Variants in PLD5 observed in about 807,000 individuals in gnomAD.
The protein encoded by PLD5 is inactive phospholipase D5.
Under a neutral mutation model 61.1 loss-of-function variants are expected in PLD5, and 36 were observed. That is an observed-to-expected ratio of 0.59 (90% CI 0.45 to 0.78). The LOEUF (loss-of-function observed/expected upper bound fraction) is 0.78. Among genes scored for constraint, PLD5 ranks in the 30% least tolerant of loss-of-function variants. PLD5 has a pLI of 0.00. For missense variants in PLD5, 515 were observed against 644.4 expected (o/e 0.80, Z 2.17); for synonymous variants, 243 against 242.8 (o/e 1.00, Z -0.01).
At chr1:242,248,477 A>G (rs1197459798) in intron 4 of PLD5, among the ~76,000 whole-genome samples, 4 of 18,236 alleles carry the variant, frequency 2.2e-4, no homozygotes, top group Admixed American at 1.2e-3. Context: ...TTAAAATACC[A>G]CACCAAAAAA....
intron 1 of PLD5, among the ~76,000 whole-genome samples, chr1:242,463,637 G>T (rs1667187103): frequency 6.6e-6 from 1 of 151,892 alleles, no homozygotes; most frequent in African/African-American, 2.4e-5. Flanking sequence ...TAAGTATCTA[G>T]GACCTGCCTT....
intron 1 of PLD5, among the ~76,000 whole-genome samples, chr1:242,451,556 G>A (rs916114556): frequency 1.3e-5 from 2 of 149,084 alleles, no homozygotes; most frequent in Non-Finnish European, 3.0e-5. Context: ...GCCACCCAGG[G>A]TCGAGTGATT....
intron 1 of PLD5, among the ~76,000 whole-genome samples, chr1:242,400,418 T>C (rs1663862435): frequency 6.6e-6 from 1 of 152,046 alleles, no homozygotes; most frequent in Non-Finnish European, 1.5e-5. Context: ...TCATGGTACC[T>C]CCTCTGATGA....
chr1:242,145,504 A>C (rs1482368417), intron 5 of PLD5, among the ~76,000 whole-genome samples: 1 of 152,192 alleles, frequency 6.6e-6, no homozygotes, highest in Non-Finnish European at 1.5e-5. Context: ...GGAAGAACTC[A>C]GTATTTAAGA....
intron 3 of PLD5, among the ~76,000 whole-genome samples, chr1:242,272,138 T>C (rs1311146065): frequency 2.0e-5 from 3 of 151,904 alleles, no homozygotes; most frequent in South Asian, 4.2e-4. Context: ...ATACGAAAAA[T>C]GGAGGTGAGC....
chr1:242,135,923 C>T (rs1004293616), intron 5 of PLD5, among the ~76,000 whole-genome samples: 9 of 152,126 alleles, frequency 5.9e-5, no homozygotes, highest in East Asian at 1.9e-4. Context: ...ACCTCCCTAG[C>T]GAGACGAAGG....
intron 4 of PLD5, among the ~76,000 whole-genome samples, chr1:242,241,145 C>A (rs574236214): frequency 6.6e-6 from 1 of 152,322 alleles, no homozygotes; most frequent in African/African-American, 2.4e-5. Flanking sequence ...AACCGTTCTA[C>A]AGAAAGGTAT....
chr1:242,362,054 A>T (rs1661099465), intron 1 of PLD5, among the ~76,000 whole-genome samples: 1 of 152,094 alleles, frequency 6.6e-6, no homozygotes, highest in Admixed American at 6.5e-5. Flanking sequence ...TAGAGGTAAA[A>T]AAGATAAATG....
At chr1:242,208,295 AC>A (rs1477684385) in intron 5 of PLD5, among the ~76,000 whole-genome samples, 3 of 151,820 alleles carry the variant, frequency 2.0e-5, no homozygotes, top group African/African-American at 7.3e-5. Flanking sequence ...TGTGACCCTC[AC>A]TTGTTGGTCT....
rs1258188420 is a variant in PLD5, at chr1:242,084,665, CACTAGGT to C, written c.*5182_*5188del. The C allele has an allele frequency of 6.7e-6, 1 of 149,758 alleles. No homozygotes were observed. The highest frequency in any genetic ancestry group is 1.5e-5 in the Non-Finnish European group (1 of 67,740). 9.3% of individuals were successfully genotyped at this position (149,758 alleles called of 1,614,324 possible). A position where few individuals can be genotyped will look rare whatever the true frequency, so the allele number is the denominator to read the frequency against. On this transcript the variant is annotated 3_prime_UTR_variant, in exon 10 of 10. Transcript: ENST00000536534. ...GCTCAATATGGGTTTGCTGAGCAGA[CACTAGGT>C]TCTCTAGTGGGGTCTCTATGATTGT...
intron 1 of PLD5, among the ~76,000 whole-genome samples, chr1:242,409,414 C>T (rs554184539): frequency 1.3e-5 from 2 of 152,152 alleles, no homozygotes; most frequent in African/African-American, 4.8e-5. Context: ...TCTCATTTAT[C>T]ACATAAGCGG....
rs1572087599 is a variant in PLD5, at chr1:242,407,859, G to A, written c.190-59617C>T. ...CCCAAAGTGCTGGGATTACAGGTGT[G>A]AGCCACTGAGCCCAGCCAAATATAC... On this transcript the variant is annotated intron_variant, in intron 1 of 9. Transcript: ENST00000536534. 2.6e-5 allele frequency among the ~76,000 whole-genome samples: 4 copies of A among 152,228 alleles called. 1 individual carries two copies. The highest frequency in any genetic ancestry group is 2.6e-4 in the Admixed American group (4 of 15,290).
At chr1:242,186,103 A>G (rs1013143194) in intron 5 of PLD5, among the ~76,000 whole-genome samples, 1 of 152,112 alleles carries the variant, frequency 6.6e-6, no homozygotes, top group Non-Finnish European at 1.5e-5. Flanking sequence ...CAATTTTAAT[A>G]TATTGGTTGC....
intron 1 of PLD5, among the ~76,000 whole-genome samples, chr1:242,504,124 A>C (rs1558153584): frequency 6.6e-6 from 1 of 152,210 alleles, no homozygotes; most frequent in Non-Finnish European, 1.5e-5. Flanking sequence ...TGTACCTACC[A>C]GAAATAATTT....
chr1:242,449,486 G>T, intron 1 of PLD5: 1 of 1,526,070 alleles, frequency 6.6e-7, no homozygotes, highest in East Asian at 2.5e-5. Flanking sequence ...TATCACCACC[G>T]ATTACATTTC....
chr1:242,419,035 C>A (rs935088716), intron 1 of PLD5, among the ~76,000 whole-genome samples: 15 of 152,122 alleles, frequency 9.9e-5, no homozygotes, highest in African/African-American at 3.4e-4. Flanking sequence ...GACATTGGGT[C>A]AAGTAGCATG....
chr1:242,471,157 G>GCCA (rs1667438607), intron 1 of PLD5, among the ~76,000 whole-genome samples: 1 of 152,182 alleles, frequency 6.6e-6, no homozygotes, highest in Non-Finnish European at 1.5e-5. Context: ...CAGAGCATCT[G>GCCA]CCACCTCCCT....
At chr1:242,207,896 T>TTATATATTTA (rs1317378904) in intron 5 of PLD5, among the ~76,000 whole-genome samples, 1 of 7,632 alleles carries the variant, frequency 1.3e-4, no homozygotes, top group African/African-American at 6.7e-4. Context: ...TTATATATAT[T>TTATATATTTA]TATATATTTA....
chr1:242,152,690 CT>C (rs1013734106), intron 5 of PLD5, among the ~76,000 whole-genome samples: 1 of 151,988 alleles, frequency 6.6e-6, no homozygotes, highest in Non-Finnish European at 1.5e-5. Flanking sequence ...TGAACTCATC[CT>C]TTTTTTGTGG....
Sources: allele counts gnomAD v4.1 joint callset (sites outside exome capture counted in the v4.1 genomes callset), GRCh38; gene constraint gnomAD v4.1.1; transcripts MANE v1.5; gene names NCBI Gene and HGNC (gene_info 2026-07-23, HGNC 2026-07-21).